DDAH1: variants seen among roughly 807,000 people sequenced by gnomAD.
DDAH1 encodes the protein N(G),N(G)-dimethylarginine dimethylaminohydrolase 1.
A neutral mutation model predicts 28.8 loss-of-function variants in DDAH1; 19 were observed. The observed-to-expected ratio is 0.66, with a 90% confidence interval of 0.46 to 0.97. The LOEUF is 0.97. Ranked by LOEUF, DDAH1 falls within the 50% of genes least tolerant of loss-of-function variation. The probability of loss-of-function intolerance (pLI) is 0.00; values close to 1 mark genes in which losing one functional copy is unlikely to be tolerated. For synonymous variants in DDAH1, 153 were observed against 154.4 expected, an observed-to-expected ratio of 0.99 and a Z score of 0.07; for missense variants, 326 against 375.9, an observed-to-expected ratio of 0.87 and a Z score of 1.10.
rs886131594 is a variant in DDAH1, at chr1:85,319,194, G to C, written c.*2258C>G. On this transcript the variant is annotated 3_prime_UTR_variant, in exon 6 of 6. Transcript: ENST00000284031. ...GTTTTCACATCATCAATCATATAGGGAGTCCAAAGAAGCCAGCCTAGCAGG... is the reference window on the plus strand; with the variant it reads ...GTTTTCACATCATCAATCATATAGGCAGTCCAAAGAAGCCAGCCTAGCAGG... 2 of 152,164 alleles carry C rather than the reference G, an allele frequency of 1.3e-5. No individual in the cohort carries two copies. The highest frequency in any genetic ancestry group is 6.5e-5 in the Admixed American group (1 of 15,280). 9.4% of individuals were successfully genotyped at this position (152,164 alleles called of 1,614,324 possible).
chr1:85,457,264 C>G (rs1004831410), intron 1 of DDAH1, among the ~76,000 whole-genome samples: 19 of 152,300 alleles, frequency 1.2e-4, no homozygotes, highest in African/African-American at 4.6e-4. Context: ...ATCCTGTTCT[C>G]TGTATCTGGA....
At position 85,379,232 on chromosome 1, in the gene DDAH1, C is replaced by T. The variant is rs532586959; in HGVS notation, c.304-20385G>A. Among the ~76,000 whole-genome samples, 13 of 152,292 alleles carry T rather than the reference C, an allele frequency of 8.5e-5. No homozygotes were observed. The South Asian group carries it at 1.9e-3, about 22-fold the overall frequency. On this transcript the variant is annotated intron_variant, in intron 1 of 5. Coordinates refer to ENST00000284031, the MANE Select transcript of DDAH1 (RefSeq NM_012137.4). The stretch of plus-strand genomic sequence containing the variant: ...CAACTGAACCTCTTGTTAAAAGCCA[C>T]CAGCTAGTTATATTTCAGAGCTGTG...
chr1:85,560,406 C>T (rs1659104496), intron 1 of DDAH1, among the ~76,000 whole-genome samples: 1 of 151,918 alleles, frequency 6.6e-6, no homozygotes, highest in Admixed American at 6.5e-5. Flanking sequence ...AAATGATAAA[C>T]ATGTGAGTAA....
chr1:85,550,083 T>C (rs965838859), intron 1 of DDAH1, among the ~76,000 whole-genome samples: 3 of 152,194 alleles, frequency 2.0e-5, no homozygotes, highest in African/African-American at 7.2e-5. Context: ...CCTGGGAAAT[T>C]GCAAGTCAAA....
chr1:85,574,063 T>C (rs1288946179), intron 1 of DDAH1, among the ~76,000 whole-genome samples: 1 of 152,264 alleles, frequency 6.6e-6, no homozygotes, highest in Non-Finnish European at 1.5e-5. Context: ...TTTTGAAGAC[T>C]TCACATAAAA....
At chr1:85,349,430 G>C (rs889036639) in intron 4 of DDAH1, among the ~76,000 whole-genome samples, 1 of 151,902 alleles carries the variant, frequency 6.6e-6, no homozygotes, top group Non-Finnish European at 1.5e-5. Context: ...AAGAGCCTCA[G>C]GGCCCACAGA....
In DDAH1 at chr1:85,464,306, G is replaced by A. The variant is rs1442513260; in HGVS notation, c.303+437C>T. On this transcript the variant is annotated intron_variant, in intron 1 of 5. Coordinates refer to ENST00000284031, the MANE Select transcript of DDAH1 (RefSeq NM_012137.4). This position sits in a 1 kb window ranked among gnomAD's most constrained non-coding sequence, Gnocchi z 4.4. ...CTTGTCCTGCTCCGAGCGCCAGGCA[G>A]GACTTGGGGGCTTCGGTGTCACGAC... Among the ~76,000 whole-genome samples, 1 of 152,192 alleles carries A rather than the reference G, an allele frequency of 6.6e-6. No homozygotes were observed. Among genetic ancestry groups the A allele is most frequent in the African/African-American group, 2.4e-5 (1 of 41,448 alleles).
At chr1:85,505,242 A>G (rs1656974522) in intron 1 of DDAH1, among the ~76,000 whole-genome samples, 1 of 151,808 alleles carries the variant, frequency 6.6e-6, no homozygotes, top group African/African-American at 2.4e-5. Flanking sequence ...TGGCCTCCCA[A>G]AGCCAAATAT....
chr1:85,513,571 A>G (rs1358392435), intron 1 of DDAH1, among the ~76,000 whole-genome samples: 2 of 152,190 alleles, frequency 1.3e-5, no homozygotes, highest in Non-Finnish European at 2.9e-5. Flanking sequence ...GGCAACCTAC[A>G]GAGTGGGAGA....
intron 4 of DDAH1, among the ~76,000 whole-genome samples, chr1:85,335,805 T>C (rs936325760): frequency 9.3e-5 from 14 of 151,338 alleles, no homozygotes; most frequent in African/African-American, 2.9e-4. Context: ...CTATAAAAAA[T>C]ACAAAAATTA....
chr1:85,477,503 A>C (rs534340527), intron 2 of DDAH1, among the ~76,000 whole-genome samples: 64 of 152,302 alleles, frequency 4.2e-4, no homozygotes, highest in African/African-American at 1.5e-3. Context: ...TACCGAAAAT[A>C]TAACACATCC....
At chr1:85,556,770 T>C (rs955054244) in intron 1 of DDAH1, among the ~76,000 whole-genome samples, 3 of 152,204 alleles carry the variant, frequency 2.0e-5, no homozygotes, top group Non-Finnish European at 4.4e-5. Flanking sequence ...TCAAACATGC[T>C]TTGACTGTTC....
At chr1:85,465,426 G>C (rs1655337232), upstream of DDAH1, among the ~76,000 whole-genome samples, 1 of 150,524 alleles carries the variant, frequency 6.6e-6, no homozygotes, top group Non-Finnish European at 1.5e-5. Flanking sequence ...CGGTACCTGT[G>C]TTCTGTCGCA....
intron 1 of DDAH1, among the ~76,000 whole-genome samples, chr1:85,445,647 G>A (rs577894245): frequency 1.3e-5 from 2 of 152,290 alleles, no homozygotes; most frequent in East Asian, 3.9e-4. Context: ...GTCTTGCTCT[G>A]TTGCCCAGGC....
At chr1:85,416,704 G>A (rs1166630240) in intron 1 of DDAH1, among the ~76,000 whole-genome samples, 1 of 152,110 alleles carries the variant, frequency 6.6e-6, no homozygotes, top group Non-Finnish European at 1.5e-5. Flanking sequence ...GTCTTGCTCT[G>A]TTGCCCAGGC....
At chr1:85,352,368 G>A (rs1649264804) in intron 2 of DDAH1, among the ~76,000 whole-genome samples, 1 of 152,124 alleles carries the variant, frequency 6.6e-6, no homozygotes, top group Non-Finnish European at 1.5e-5. Flanking sequence ...AGCCACCCTT[G>A]ATGACCCTGA....
intron 1 of DDAH1, chr1:85,379,814 CCTT>C (rs1194719545): frequency 1.8e-6 from 1 of 562,064 alleles, no homozygotes; most frequent in Non-Finnish European, 2.3e-6. Context: ...ATCTTTGACT[CCTT>C]CTGAGTTCCT....
At chr1:85,341,685 T>C (rs577875910) in intron 4 of DDAH1, among the ~76,000 whole-genome samples, 178 of 151,916 alleles carry the variant, frequency 1.2e-3, no homozygotes, top group African/African-American at 3.9e-3. Context: ...AGGTGGCGGG[T>C]GCCTGTAGTC....
chr1:85,518,306 G>C lies in DDAH1; in HGVS notation c.-122-22025C>G, dbSNP rs534656082. Reference sequence around the variant, plus strand: ...CAGACATTATTTTACAGTTCAGCAGGTCAGAAGTCTGGTATGAACTAAAAT... The same window carrying C: ...CAGACATTATTTTACAGTTCAGCAGCTCAGAAGTCTGGTATGAACTAAAAT... On this transcript the variant is annotated intron_variant, in intron 1 of 6. Transcript: ENST00000426972. 5.2e-3 allele frequency among the ~76,000 whole-genome samples: 788 copies of C among 152,258 alleles called. 6 individuals are homozygous for C. Among genetic ancestry groups the C allele is most frequent in the African/African-American group, 0.018 (746 of 41,536 alleles).
Sources: gnomAD v4.1 joint callset for allele counts (sites outside exome capture counted in the v4.1 genomes callset) on GRCh38, gnomAD v4.1.1 for gene constraint, Gnocchi (gnomAD v3.1) non-coding constraint, MANE v1.5 for transcripts, NCBI Gene and HGNC (gene_info 2026-07-23, HGNC 2026-07-21) for gene names.